The following OMA1 variants were observed in gnomAD, a reference collection of about 807,000 sequenced individuals.
OMA1 encodes OMA1 zinc metallopeptidase, also known as metalloendopeptidase OMA1, mitochondrial.
Under a neutral mutation model 30.9 loss-of-function variants are expected in OMA1, and 38 were observed. The observed-to-expected ratio is 1.23, with a 90% CI of 0.95 to 1.61. OMA1 has a LOEUF of 1.61. Among genes scored for constraint, OMA1 ranks in the 40% most tolerant of loss-of-function variants. OMA1 has a pLI of 0.00. For missense variants in OMA1, 461 were observed against 349.2 expected, an observed-to-expected ratio of 1.32 and a Z score of -2.55; for synonymous variants, 173 against 121.9, an observed-to-expected ratio of 1.42 and a Z score of -2.76.
chr1:58,515,149 T>C (rs1646140119), intron 7 of OMA1, among the ~76,000 whole-genome samples: 1 of 152,228 alleles, frequency 6.6e-6, no homozygotes. Flanking sequence ...CATTTTATTT[T>C]GTAACCCACT....
intron 7 of OMA1, 151 bp from the exon 8 acceptor site, chr1:58,506,360 A>G: frequency 3.7e-6 from 2 of 540,132 alleles, no homozygotes; most frequent in Middle Eastern, 5.1e-4. Flanking sequence ...ATACGTATAC[A>G]TGTGCCATGT....
chr1:58,525,314 T>A (rs1237664737), intron 7 of OMA1, among the ~76,000 whole-genome samples: 1 of 150,862 alleles, frequency 6.6e-6, no homozygotes, highest in Admixed American at 6.6e-5. Context: ...TTGAAAAAAA[T>A]CCTATGTATA....
chr1:58,482,674 G>C (rs1036051984), intron 8 of OMA1, among the ~76,000 whole-genome samples: 3 of 152,156 alleles, frequency 2.0e-5, no homozygotes, highest in African/African-American at 7.2e-5. Flanking sequence ...ATAGGATAAT[G>C]ACTTTGGGGG....
rs1645980939 is a variant in OMA1 at position 58,505,917 on chromosome 1, C to A, written c.1365+143G>T. 4 of 523,798 alleles carry A rather than the reference C, an allele frequency of 7.6e-6. No homozygotes were observed. The East Asian group carries it at 1.2e-4, about 15-fold the overall frequency. The allele number at this position is 523,798 out of a possible 1,614,324, so 32.4% of individuals were successfully genotyped here. A position where few individuals can be genotyped will look rare whatever the true frequency, so the allele number is the denominator to read the frequency against. ...CAGAATTTTGCTTTTCAGTCAAATTCTGTGACAACTGATAATCCATAATTA... is the reference window on the plus strand; with the variant it reads ...CAGAATTTTGCTTTTCAGTCAAATTATGTGACAACTGATAATCCATAATTA... On this transcript the variant is annotated intron_variant, in intron 8 of 8. Coordinates refer to ENST00000371226, the MANE Select transcript of OMA1 (RefSeq NM_145243.5).
At chr1:58,514,655 C>A (rs1322318709) in intron 7 of OMA1, among the ~76,000 whole-genome samples, 1 of 152,060 alleles carries the variant, frequency 6.6e-6, no homozygotes, top group African/African-American at 2.4e-5. Flanking sequence ...TCATCTGAGA[C>A]AATACTACAA....
chr1:58,515,136 G>C (rs1226107356), intron 7 of OMA1, among the ~76,000 whole-genome samples: 1 of 152,064 alleles, frequency 6.6e-6, no homozygotes, highest in Non-Finnish European at 1.5e-5. Context: ...ACTTCTTAAA[G>C]CTCATTTTAT....
chr1:58,523,829 GC>G (rs113203919), intron 7 of OMA1, among the ~76,000 whole-genome samples: 7 of 151,666 alleles, frequency 4.6e-5, no homozygotes, highest in African/African-American at 1.7e-4. Flanking sequence ...AAGCTGGGAG[GC>G]AGAGCTTGCA....
At chr1:58,518,571 T>C (rs1046639655) in intron 7 of OMA1, among the ~76,000 whole-genome samples, 2 of 151,542 alleles carry the variant, frequency 1.3e-5, no homozygotes, top group Non-Finnish European at 2.9e-5. Flanking sequence ...ATTTTATAGA[T>C]AGAACTGCCA....
chr1:58,535,066 C>T (rs145558891), intron 3 of OMA1, among the ~76,000 whole-genome samples: 560 of 152,200 alleles, frequency 3.7e-3, no homozygotes, highest in Middle Eastern at 0.01. Context: ...AGTTAAACTA[C>T]CAAAATAGAC....
At chr1:58,491,852 T>A (rs1418031035) in intron 8 of OMA1, among the ~76,000 whole-genome samples, 4 of 152,120 alleles carry the variant, frequency 2.6e-5, no homozygotes, top group Non-Finnish European at 1.5e-5. Flanking sequence ...ATTAGACAGA[T>A]CAATGAGACA....
intron 6 of OMA1, among the ~76,000 whole-genome samples, chr1:58,527,851 G>A (rs1200508532): frequency 6.6e-6 from 1 of 151,938 alleles, no homozygotes. Flanking sequence ...TTGATTAGTT[G>A]GGAAAATGAA....
At chr1:58,514,024 A>G (rs1208082975) in intron 7 of OMA1, among the ~76,000 whole-genome samples, 1 of 152,204 alleles carries the variant, frequency 6.6e-6, no homozygotes, top group African/African-American at 2.4e-5. Flanking sequence ...TCAAGTTAAA[A>G]TGTGATAATT....
chr1:58,519,324 A>G (rs886335571), intron 7 of OMA1, among the ~76,000 whole-genome samples: 4 of 152,214 alleles, frequency 2.6e-5, no homozygotes, highest in African/African-American at 7.2e-5. Context: ...TATAGTAATC[A>G]CATCAGGGTA....
At chr1:58,490,267 A>G (rs1645656617) in intron 8 of OMA1, among the ~76,000 whole-genome samples, 1 of 152,210 alleles carries the variant, frequency 6.6e-6, no homozygotes, top group South Asian at 2.1e-4. Flanking sequence ...GGAGCTGAAA[A>G]CCATGGCACA....
At chr1:58,496,130 T>C (rs74353304) in intron 8 of OMA1, among the ~76,000 whole-genome samples, 1,547 of 152,258 alleles carry the variant, frequency 0.01, 26 homozygotes, top group African/African-American at 0.036. Context: ...GCAGCTTGGA[T>C]TTCCTGGTGC....
At chr1:58,489,904 A>G (rs1252719438) in intron 8 of OMA1, among the ~76,000 whole-genome samples, 1 of 152,226 alleles carries the variant, frequency 6.6e-6, no homozygotes, top group Non-Finnish European at 1.5e-5. Context: ...AGGAAAACTA[A>G]CAAACAGAAA....
intron 7 of OMA1, among the ~76,000 whole-genome samples, chr1:58,510,744 A>AT (rs1407376479): frequency 5.3e-5 from 8 of 152,014 alleles, no homozygotes; most frequent in Non-Finnish European, 1.0e-4. Flanking sequence ...ACAAAAAAAA[A>AT]CCCTGCTAGA....
intron 8 of OMA1, among the ~76,000 whole-genome samples, chr1:58,494,330 G>T (rs1645754415): frequency 6.6e-6 from 1 of 152,012 alleles, no homozygotes; most frequent in Non-Finnish European, 1.5e-5. Context: ...AGAAAACCTA[G>T]GCAATACCAT....
intron 7 of OMA1, among the ~76,000 whole-genome samples, chr1:58,508,934 A>T (rs1185129478): frequency 6.6e-6 from 1 of 152,092 alleles, no homozygotes; most frequent in Admixed American, 6.6e-5. Flanking sequence ...GTCTTGTAGC[A>T]CTGATAGGAC....
Sources: gnomAD v4.1 joint callset for allele counts (sites outside exome capture counted in the v4.1 genomes callset) on GRCh38, gnomAD v4.1.1 for gene constraint, MANE v1.5 for transcripts, NCBI Gene and HGNC (gene_info 2026-07-23, HGNC 2026-07-21) for gene names.